The following ADAMTS12 variants were observed in gnomAD, a reference collection of about 807,000 sequenced individuals.
ADAMTS12 encodes A disintegrin and metalloproteinase with thrombospondin motifs 12.
In ADAMTS12, 118 loss-of-function variants were observed where a neutral mutation model predicts 167.8. That is an observed-to-expected ratio of 0.70 (90% confidence interval 0.61 to 0.82). ADAMTS12 has a LOEUF of 0.82. ADAMTS12 is among the 40% of genes least tolerant of loss of function. The probability of loss-of-function intolerance (pLI) is 0.00; values close to 1 mark genes in which losing one functional copy is unlikely to be tolerated. For missense variants in ADAMTS12, 1,916 were observed against 1,998.8 expected (o/e 0.96, Z 0.79); for synonymous variants, 704 against 716.9 (o/e 0.98, Z 0.29).
At chr5:33,759,534 A>C (rs1303784308) in intron 2 of ADAMTS12, among the ~76,000 whole-genome samples, 21 of 152,138 alleles carry the variant, frequency 1.4e-4, no homozygotes, top group Admixed American at 9.8e-4. Context: ...AATGACCCCA[A>C]ACAGTGCCAA....
intron 14 of ADAMTS12, among the ~76,000 whole-genome samples, chr5:33,617,542 C>G (rs1739088610): frequency 6.6e-6 from 1 of 152,192 alleles, no homozygotes; most frequent in African/African-American, 2.4e-5. Context: ...ATTTGGCTCT[C>G]AAACACTTGC....
chr5:33,683,144 T>C (rs1161389475), intron 4 of ADAMTS12, 43 bp from the exon 5 acceptor site: 1 of 1,433,458 alleles, frequency 7.0e-7, no homozygotes, highest in Non-Finnish European at 9.7e-7. Context: ...CACGAAGAGA[T>C]AATAAATAAA....
chr5:33,704,625 T>TG (rs1170238297), intron 3 of ADAMTS12, among the ~76,000 whole-genome samples: 1 of 152,214 alleles, frequency 6.6e-6, no homozygotes. Context: ...TTCATATACC[T>TG]GATGGCCATT....
intron 5 of ADAMTS12, among the ~76,000 whole-genome samples, chr5:33,662,539 G>T (rs1160336448): frequency 6.6e-6 from 1 of 150,504 alleles, no homozygotes; most frequent in Admixed American, 6.6e-5. Flanking sequence ...ATGGGTGAAG[G>T]ACAGTGGATG....
Position 33,618,783 on chromosome 5 carries a change from G to A in ADAMTS12, c.2144-2711C>T, listed in dbSNP as rs142963890. Among the ~76,000 whole-genome samples the A allele has an allele frequency of 3.1e-3, 468 of 152,256 alleles. 2 individuals carry two copies. The highest frequency in any genetic ancestry group is 9.2e-3 in the African/African-American group (382 of 41,544). The stretch of plus-strand genomic sequence containing the variant: ...ATTTCCTTGATTGTCTCTGTTACAA[G>A]TTCTGTGAAGCCATCCACAACATTG... On this transcript the variant is annotated intron_variant, in intron 14 of 23. Transcript: ENST00000504830.
In ADAMTS12 at chr5:33,773,042, T is replaced by C. The variant is rs1386877354; in HGVS notation, c.490-21494A>G. ...AATCTTTTAGACAGCTGCAAATACT[T>C]TGCAAACAACCTGCATATGGAAGGT... is the stretch of plus-strand genomic sequence containing the variant. On this transcript the variant is annotated intron_variant, in intron 2 of 23. Coordinates refer to ENST00000504830, the MANE Select transcript of ADAMTS12 (RefSeq NM_030955.4). 2.0e-5 allele frequency among the ~76,000 whole-genome samples: 3 copies of C among 152,240 alleles called. No homozygotes were observed. In the East Asian group the frequency reaches 5.8e-4, roughly 29 times the overall value.
chr5:33,577,940 A>G (rs1376278339), intron 18 of ADAMTS12, among the ~76,000 whole-genome samples: 1 of 152,200 alleles, frequency 6.6e-6, no homozygotes, highest in Non-Finnish European at 1.5e-5. Flanking sequence ...TCCTAACAGA[A>G]CAGGCCTTCC....
Position 33,868,364 on chromosome 5 carries a change from G to A in ADAMTS12, c.489+12755C>T, listed in dbSNP as rs531023591. Among the ~76,000 whole-genome samples, 74 of 152,304 alleles carry A rather than the reference G, an allele frequency of 4.9e-4. 1 individual carries two copies. The highest frequency in any genetic ancestry group is 1.6e-3 in the African/African-American group (68 of 41,562). ...GAACTTCCAGGAGACTTGTTAAATT[G>A]CTGTGACCAAAATGCTGACAGTGAT... On this transcript the variant is annotated intron_variant, in intron 2 of 23. Transcript: ENST00000504830.
chr5:33,582,801 T>C (rs1747134381), intron 18 of ADAMTS12, among the ~76,000 whole-genome samples: 1 of 152,228 alleles, frequency 6.6e-6, no homozygotes, highest in South Asian at 2.1e-4. Flanking sequence ...AACGTAACTT[T>C]TGCTATAAAA....
At chr5:33,678,911 T>C (rs1194534594) in intron 5 of ADAMTS12, among the ~76,000 whole-genome samples, 5 of 152,126 alleles carry the variant, frequency 3.3e-5, no homozygotes, top group Non-Finnish European at 7.4e-5. Context: ...ATTGAAGTGA[T>C]ATAAATGGAG....
At chr5:33,888,537 T>C (rs1396980940) in intron 1 of ADAMTS12, among the ~76,000 whole-genome samples, 1 of 152,240 alleles carries the variant, frequency 6.6e-6, no homozygotes, top group Non-Finnish European at 1.5e-5. Flanking sequence ...TGCAGAATTT[T>C]TTTAATAGAA....
chr5:33,818,649 A>G (rs1747754287), intron 2 of ADAMTS12, among the ~76,000 whole-genome samples: 2 of 151,980 alleles, frequency 1.3e-5, no homozygotes, highest in Non-Finnish European at 1.5e-5. Context: ...AGGAATCTCC[A>G]TATTGTTTTC....
chr5:33,526,261 A>C lies in ADAMTS12; in HGVS notation c.*927T>G, dbSNP rs1453729681. The C allele has an allele frequency of 6.6e-6, 1 of 152,176 alleles. No homozygotes were observed. The highest frequency in any genetic ancestry group is 1.5e-5 in the Non-Finnish European group (1 of 68,054). 9.4% of individuals were successfully genotyped at this position (152,176 alleles called of 1,614,324 possible). On this transcript the variant is annotated 3_prime_UTR_variant, in exon 24 of 24. Coordinates refer to ENST00000504830, the MANE Select transcript of ADAMTS12 (RefSeq NM_030955.4). ...TGGTCTTTGCATATACAGCCCCTGC[A>C]GCAAGACGATGGTGGGACCTGAGCT...
At chr5:33,657,795 G>A (rs964881954) in intron 7 of ADAMTS12, among the ~76,000 whole-genome samples, 9 of 152,144 alleles carry the variant, frequency 5.9e-5, no homozygotes, top group Non-Finnish European at 8.8e-5. Flanking sequence ...ACAAAGTAAG[G>A]TGCAAAAATG....
chr5:33,838,451 A>G (rs1748614118), intron 2 of ADAMTS12, among the ~76,000 whole-genome samples: 1 of 152,124 alleles, frequency 6.6e-6, no homozygotes. Flanking sequence ...GGGAAGCCGA[A>G]GAAGGCAGAT....
At chr5:33,617,802 AAC>A (rs1491223541) in intron 14 of ADAMTS12, among the ~76,000 whole-genome samples, 1 of 152,178 alleles carries the variant, frequency 6.6e-6, no homozygotes, top group Non-Finnish European at 1.5e-5. Flanking sequence ...AGAAAAAAAA[AAC>A]AATAAATAAC....
At position 33,822,809 on chromosome 5, in the gene ADAMTS12, C is replaced by T. The variant is rs899287968; in HGVS notation, c.489+58310G>A. Among the ~76,000 whole-genome samples the T allele has an allele frequency of 1.4e-4, 21 of 151,958 alleles. 1 individual carries two copies. The highest frequency in any genetic ancestry group is 3.4e-4 in the African/African-American group (14 of 41,478). ...TGCACAGCTCAAGAAAAATATAGGC[C>T]GGGAATGGTGGCTCACGCCTGTAAT... is the stretch of plus-strand genomic sequence containing the variant. On this transcript the variant is annotated intron_variant, in intron 2 of 23. Transcript: ENST00000504830.
At chr5:33,753,230 G>A (rs922732579) in intron 2 of ADAMTS12, among the ~76,000 whole-genome samples, 5 of 152,156 alleles carry the variant, frequency 3.3e-5, no homozygotes, top group Admixed American at 6.5e-5. Context: ...AACTACCAAC[G>A]CCAATAGCAG....
At chr5:33,787,378 C>T (rs546167700) in intron 2 of ADAMTS12, among the ~76,000 whole-genome samples, 3 of 152,342 alleles carry the variant, frequency 2.0e-5, no homozygotes, top group South Asian at 4.1e-4. Context: ...GTCCACTTTT[C>T]GAATGTCAAA....
Sources: allele counts gnomAD v4.1 joint callset (sites outside exome capture counted in the v4.1 genomes callset), GRCh38; gene constraint gnomAD v4.1.1; transcripts MANE v1.5; gene names NCBI Gene and HGNC (gene_info 2026-07-23, HGNC 2026-07-21).